GAS7: variants seen among roughly 807,000 people sequenced by gnomAD.
The protein encoded by GAS7 is growth arrest-specific protein 7.
Under a neutral mutation model 71.1 loss-of-function variants are expected in GAS7, and 28 were observed. The ratio of observed to expected loss-of-function variants is 0.39; its 90% CI spans 0.29 to 0.54. The LOEUF (loss-of-function observed/expected upper bound fraction) is 0.54, where lower values mean the gene tolerates loss of function less well. Among genes scored for constraint, GAS7 ranks in the 20% least tolerant of loss-of-function variants. The pLI is 0.62. For missense variants in GAS7, 436 were observed against 627.8 expected (o/e 0.69, Z 3.27); for synonymous variants, 258 against 245.8 (o/e 1.05, Z -0.46).
chr17:10,171,550 A>C (rs777621860), intron 1 of GAS7, among the ~76,000 whole-genome samples: 2 of 152,228 alleles, frequency 1.3e-5, no homozygotes, highest in Admixed American at 6.5e-5. Context: ...TTGGACTTGA[A>C]AATTCTAAGA....
At chr17:10,036,358 GCA>G (rs1485921461) in intron 1 of GAS7, 2 of 1,201,166 alleles carry the variant, frequency 1.7e-6, no homozygotes, top group African/African-American at 3.0e-5. Context: ...CTTTACCATG[GCA>G]CAGTCATTTT....
At chr17:10,064,164 T>C (rs928949831) in intron 1 of GAS7, among the ~76,000 whole-genome samples, 2 of 152,200 alleles carry the variant, frequency 1.3e-5, no homozygotes, top group African/African-American at 4.8e-5. Flanking sequence ...CTACACCTTC[T>C]GGGGCCTCCC....
chr17:10,040,212 G>A (rs1467857500), intron 1 of GAS7, among the ~76,000 whole-genome samples: 1 of 152,254 alleles, frequency 6.6e-6, no homozygotes, highest in Non-Finnish European at 1.5e-5. Context: ...GGATGGGTCA[G>A]AAGAACAAGC....
chr17:10,145,082 C>A (rs911952557), intron 1 of GAS7, among the ~76,000 whole-genome samples: 2 of 152,142 alleles, frequency 1.3e-5, no homozygotes, highest in African/African-American at 4.8e-5. Context: ...TGGCTGCTGC[C>A]CCCAGGCAGA....
At chr17:9,923,505 TATGAGTTA>T (rs1392055735) in intron 11 of GAS7, among the ~76,000 whole-genome samples, 1 of 152,210 alleles carries the variant, frequency 6.6e-6, no homozygotes, top group African/African-American at 2.4e-5. Context: ...GGGGAAAGGA[TATGAGTTA>T]ATCAGTTCAC....
At position 9,959,248 on chromosome 17, in the gene GAS7, C is replaced by T. The variant is rs1340992721; in HGVS notation, c.479G>A (p.Gly160Glu). 6.2e-7 allele frequency: 1 copy of T among 1,614,132 alleles called. No individual in the cohort carries two copies. Among genetic ancestry groups the T allele is most frequent in the East Asian group, 2.2e-5 (1 of 44,866 alleles). Residue 160 changes from glycine to glutamate, a missense_variant, in exon 5 of 14, where the codon GGA becomes GAA. By Grantham distance (98) the Gly-to-Glu change is moderately conservative. Transcript: ENST00000432992. The surrounding 1 kb of genome is among the most constrained non-coding windows in gnomAD (Gnocchi z 5.0). ...CTGCTTTTTGCTTGGCGATGAGGAT[C>T]CCAGGTTCTGGGGAGAGAGGCAAGA... ...RKSTGDSQNL[G>E]SSSPSKKQSK...
At chr17:10,154,866 G>A (rs16959387) in intron 1 of GAS7, among the ~76,000 whole-genome samples, 29,149 of 149,452 alleles carry the variant, frequency 0.2, 3,127 homozygotes, top group African/African-American at 0.27. Flanking sequence ...CTGGAGAAAC[G>A]CTTCATAAAG....
chr17:10,158,512 A>G (rs576798230), intron 1 of GAS7, among the ~76,000 whole-genome samples: 5 of 152,072 alleles, frequency 3.3e-5, no homozygotes, highest in Admixed American at 1.3e-4. Context: ...AGATATGTGC[A>G]TTACACTGTA....
chr17:10,111,374 A>G (rs948421626), intron 1 of GAS7, among the ~76,000 whole-genome samples: 2 of 151,962 alleles, frequency 1.3e-5, no homozygotes, highest in Non-Finnish European at 2.9e-5. Context: ...TCTATTAAAA[A>G]TACAAAATAA....
chr17:10,169,448 C>T (rs1486336423), intron 1 of GAS7, among the ~76,000 whole-genome samples: 2 of 152,126 alleles, frequency 1.3e-5, no homozygotes, highest in Non-Finnish European at 2.9e-5. Context: ...TGTAATGAAA[C>T]AGATGCTAAC....
At chr17:10,005,196 TG>T (rs2071459702) in intron 2 of GAS7, among the ~76,000 whole-genome samples, 1 of 111,026 alleles carries the variant, frequency 9.0e-6, no homozygotes, top group Non-Finnish European at 1.7e-5. Flanking sequence ...TGTGCACGCA[TG>T]CATGTGTGTG....
intron 1 of GAS7, among the ~76,000 whole-genome samples, chr17:10,149,229 A>G (rs1261197694): frequency 6.6e-6 from 1 of 152,058 alleles, no homozygotes; most frequent in African/African-American, 2.4e-5. Flanking sequence ...GAGCCTACAG[A>G]GTAGCTGGGA....
intron 1 of GAS7, among the ~76,000 whole-genome samples, chr17:10,086,495 T>G (rs2073521039): frequency 6.6e-6 from 1 of 152,124 alleles, no homozygotes; most frequent in Admixed American, 6.5e-5. Context: ...GAATCTGGGT[T>G]TGTTCTGGGC....
At chr17:9,940,631 G>A (rs144415958) in intron 7 of GAS7, among the ~76,000 whole-genome samples, 65 of 152,252 alleles carry the variant, frequency 4.3e-4, no homozygotes, top group African/African-American at 1.5e-3. Context: ...GGTGGCCTCG[G>A]ACCCTCAGCA....
At chr17:10,049,918 T>C (rs7221785) in intron 1 of GAS7, among the ~76,000 whole-genome samples, 11,634 of 152,086 alleles carry the variant, frequency 0.076, 1,056 homozygotes, top group African/African-American at 0.22. Context: ...CCGCGCCCGG[T>C]CTGAAATTAG....
intron 1 of GAS7, among the ~76,000 whole-genome samples, chr17:10,147,355 C>A (rs11870310): frequency 6.6e-6 from 1 of 152,084 alleles, no homozygotes; most frequent in Non-Finnish European, 1.5e-5. Flanking sequence ...TATGTGTCTG[C>A]GTGTTTAATC....
intron 5 of GAS7, among the ~76,000 whole-genome samples, chr17:9,948,919 C>G (rs1016634606): frequency 3.9e-4 from 59 of 152,284 alleles, no homozygotes; most frequent in African/African-American, 1.4e-3. Flanking sequence ...TCTTTAACCC[C>G]TTCTTGCAGC....
chr17:10,174,181 G>A (rs1053158648), intron 1 of GAS7, among the ~76,000 whole-genome samples: 1 of 152,190 alleles, frequency 6.6e-6, no homozygotes, highest in Non-Finnish European at 1.5e-5. Context: ...TAGGCTGCTA[G>A]GACTTAGTGT....
At chr17:10,007,889 C>T (rs537335477) in intron 2 of GAS7, among the ~76,000 whole-genome samples, 1 of 144,942 alleles carries the variant, frequency 6.9e-6, no homozygotes, top group Admixed American at 6.7e-5. Context: ...AGTCACTCGC[C>T]ATTAATTCCA....
Sources: gnomAD v4.1 joint callset for allele counts (sites outside exome capture counted in the v4.1 genomes callset) on GRCh38, gnomAD v4.1.1 for gene constraint, Gnocchi (gnomAD v3.1) non-coding constraint, MANE v1.5 for transcripts, NCBI Gene and HGNC (gene_info 2026-07-23, HGNC 2026-07-21) for gene names.